The following CNTNAP2 variants were observed in gnomAD, a reference collection of about 807,000 sequenced individuals.
CNTNAP2 encodes the protein contactin associated protein 2.
Under a neutral mutation model 155.2 loss-of-function variants are expected in CNTNAP2, and 98 were observed. That is an observed-to-expected ratio of 0.63 (90% CI 0.54 to 0.75). The LOEUF is 0.75. Ranked by LOEUF, CNTNAP2 falls within the 30% of genes least tolerant of loss-of-function variation. CNTNAP2 has a pLI of 0.00. For missense variants in CNTNAP2, 1,727 were observed against 1,688.1 expected, an observed-to-expected ratio of 1.02 and a Z score of -0.40; for synonymous variants, 651 against 631.2, an observed-to-expected ratio of 1.03 and a Z score of -0.47.
At chr7:147,702,514 C>T (rs1030343747) in intron 13 of CNTNAP2, among the ~76,000 whole-genome samples, 14 of 151,706 alleles carry the variant, frequency 9.2e-5, no homozygotes, top group African/African-American at 3.1e-4. Flanking sequence ...TATAGTGGTC[C>T]TCACTAGACT....
chr7:146,204,196 C>G lies in CNTNAP2; in HGVS notation c.97+87223C>G, dbSNP rs541909980. Among the ~76,000 whole-genome samples, 11 of 152,170 alleles carry G rather than the reference C, an allele frequency of 7.2e-5. No homozygotes were observed. In the South Asian group the frequency reaches 1.5e-3, roughly 20 times the overall value. On this transcript the variant is annotated intron_variant, in intron 1 of 23. Coordinates refer to ENST00000361727, the MANE Select transcript of CNTNAP2 (RefSeq NM_014141.6). ...TCTATTCTAAGATTAATTGGGCCAA[C>G]AATATCTTAAGAAAAGAAATGACAG...
At chr7:146,266,869 A>G (rs1800001840) in intron 1 of CNTNAP2, among the ~76,000 whole-genome samples, 2 of 150,738 alleles carry the variant, frequency 1.3e-5, no homozygotes, top group Admixed American at 6.6e-5. Context: ...TCTTCTAAGG[A>G]AGGTTCACAT....
intron 18 of CNTNAP2, among the ~76,000 whole-genome samples, chr7:148,199,630 G>T (rs1018152021): frequency 6.6e-6 from 1 of 152,208 alleles, no homozygotes; most frequent in African/African-American, 2.4e-5. Flanking sequence ...TGGAGGTTGG[G>T]CACTTGAAAC....
chr7:147,987,593 C>A (rs1801640953), intron 15 of CNTNAP2, among the ~76,000 whole-genome samples: 1 of 152,282 alleles, frequency 6.6e-6, no homozygotes, highest in Non-Finnish European at 1.5e-5. Context: ...TATGAGTGAC[C>A]ATGGCCCATG....
chr7:146,976,960 C>G (rs1797923702), intron 3 of CNTNAP2, among the ~76,000 whole-genome samples: 1 of 151,940 alleles, frequency 6.6e-6, no homozygotes, highest in African/African-American at 2.4e-5. Flanking sequence ...CCCTCCAGGA[C>G]AGAAAGGCGG....
intron 1 of CNTNAP2, among the ~76,000 whole-genome samples, chr7:146,446,932 T>A (rs529564955): frequency 3.2e-4 from 49 of 152,202 alleles, no homozygotes; most frequent in Non-Finnish European, 5.3e-4. Flanking sequence ...AATTTTAGAC[T>A]TTTTAGGTAT....
chr7:148,267,767 A>T (rs1796699707), intron 21 of CNTNAP2, among the ~76,000 whole-genome samples: 1 of 152,144 alleles, frequency 6.6e-6, no homozygotes, highest in Non-Finnish European at 1.5e-5. Context: ...CGTGGCATAA[A>T]CTACAACCCA....
intron 9 of CNTNAP2, among the ~76,000 whole-genome samples, chr7:147,305,615 G>T (rs1227620662): frequency 3.3e-5 from 5 of 152,092 alleles, no homozygotes; most frequent in Non-Finnish European, 7.4e-5. Flanking sequence ...CTCCCAAAAA[G>T]AAAAATAATG....
At chr7:147,836,098 A>G (rs149042465) in intron 13 of CNTNAP2, among the ~76,000 whole-genome samples, 1,590 of 152,270 alleles carry the variant, frequency 0.01, 17 homozygotes, top group Middle Eastern at 0.037. Flanking sequence ...AACTAATACA[A>G]CTATGAAAAT....
At position 147,095,873 on chromosome 7, in the gene CNTNAP2, A is replaced by ACCCTT. The variant is rs1250196225; in HGVS notation, c.551-12268_551-12264dup. Among the ~76,000 whole-genome samples the ACCCTT allele has an allele frequency of 1.6e-4, 25 of 151,836 alleles. 1 individual carries two copies. The highest frequency in any genetic ancestry group is 3.7e-4 in the Non-Finnish European group (25 of 67,956). Reference sequence around the variant, plus strand: ...GGAGGTTCTTGTTCCTATGAAGCCCACCCTTCCCTTTAGCAGCAGCAACAA... The same window carrying ACCCTT: ...GGAGGTTCTTGTTCCTATGAAGCCCACCCTTCCCTTCCCTTTAGCAGCAGCAACAA... On this transcript the variant is annotated intron_variant, in intron 4 of 23. Transcript: ENST00000361727.
chr7:147,019,084 T>C (rs921716387), intron 3 of CNTNAP2, among the ~76,000 whole-genome samples: 4 of 152,046 alleles, frequency 2.6e-5, no homozygotes, highest in Non-Finnish European at 5.9e-5. Flanking sequence ...ATGGAAATCA[T>C]TATTTGTTGT....
At chr7:147,507,038 A>G (rs1772266259) in intron 11 of CNTNAP2, among the ~76,000 whole-genome samples, 1 of 152,200 alleles carries the variant, frequency 6.6e-6, no homozygotes, top group Non-Finnish European at 1.5e-5. Flanking sequence ...TTTAAAATGC[A>G]TGTGAAGTGG....
rs190143913 is a variant in CNTNAP2 at position 147,137,708 on chromosome 7, G to A, written c.1348+5199G>A. On this transcript the variant is annotated intron_variant, in intron 8 of 23. Transcript: ENST00000361727. ...TACAAATGGAGCATTTTATAATCAG[G>A]TGCAGAAATTTGGAGGTTGTGTCTA... Among the ~76,000 whole-genome samples, 10 of 151,878 alleles carry A rather than the reference G, an allele frequency of 6.6e-5. No homozygotes were observed. In the East Asian group the frequency reaches 1.6e-3, roughly 24 times the overall value.
At chr7:147,355,113 T>A (rs1278550552) in intron 9 of CNTNAP2, among the ~76,000 whole-genome samples, 1 of 151,832 alleles carries the variant, frequency 6.6e-6, no homozygotes, top group Non-Finnish European at 1.5e-5. Context: ...TTGAGGAGCT[T>A]TAAGTGACCA....
intron 13 of CNTNAP2, among the ~76,000 whole-genome samples, chr7:147,690,111 T>C (rs1433651894): frequency 6.6e-6 from 1 of 152,108 alleles, no homozygotes; most frequent in Non-Finnish European, 1.5e-5. Context: ...CCTTTTCCAA[T>C]GATTTACAGG....
chr7:147,662,183 A>G (rs1795622940), intron 13 of CNTNAP2, among the ~76,000 whole-genome samples: 1 of 152,220 alleles, frequency 6.6e-6, no homozygotes, highest in African/African-American at 2.4e-5. Context: ...CATAATGTAG[A>G]TGCAACATTA....
chr7:146,981,063 TA>T (rs1189939777), intron 3 of CNTNAP2, among the ~76,000 whole-genome samples: 1 of 152,188 alleles, frequency 6.6e-6, no homozygotes, highest in Non-Finnish European at 1.5e-5. Flanking sequence ...TAGAAGCAGC[TA>T]TTTCTTGGAT....
At chr7:146,597,312 G>A (rs549851347) in intron 1 of CNTNAP2, among the ~76,000 whole-genome samples, 24 of 151,926 alleles carry the variant, frequency 1.6e-4, no homozygotes, top group Non-Finnish European at 3.2e-4. Flanking sequence ...TAATATCCGT[G>A]AGCATGTCAC....
chr7:146,184,476 T>C (rs1798595145), intron 1 of CNTNAP2, among the ~76,000 whole-genome samples: 1 of 152,196 alleles, frequency 6.6e-6, no homozygotes, highest in Non-Finnish European at 1.5e-5. Context: ...TATGGAGAAT[T>C]ACAGTAGGGA....
Sources: gnomAD v4.1 joint callset for allele counts (sites outside exome capture counted in the v4.1 genomes callset) on GRCh38, gnomAD v4.1.1 for gene constraint, MANE v1.5 for transcripts, NCBI Gene and HGNC (gene_info 2026-07-23, HGNC 2026-07-21) for gene names.